NALF1: variants seen among roughly 807,000 people sequenced by gnomAD.
NALF1 encodes family with sequence similarity 155 member A.
Under a neutral mutation model 48.4 loss-of-function variants are expected in NALF1, and 3 were observed. That is an observed-to-expected ratio of 0.06 (90% confidence interval 0.03 to 0.16). NALF1 has a LOEUF of 0.16. NALF1 is among the 10% of genes least tolerant of loss of function. The pLI, the probability that NALF1 is intolerant of heterozygous loss-of-function variation, is 1.00. For synonymous variants in NALF1, 262 were observed against 245.7 expected (o/e 1.07, Z -0.62); for missense variants, 526 against 571.5 (o/e 0.92, Z 0.81).
intron 1 of NALF1, among the ~76,000 whole-genome samples, chr13:107,279,545 C>T (rs111875482): frequency 2.6e-5 from 4 of 152,126 alleles, no homozygotes; most frequent in African/African-American, 7.2e-5. Flanking sequence ...CCTGAGCCAC[C>T]GCACCCGGTG....
chr13:107,731,292 T>G (rs1405908338), intron 1 of NALF1, among the ~76,000 whole-genome samples: 2 of 152,116 alleles, frequency 1.3e-5, no homozygotes, highest in Non-Finnish European at 2.9e-5. Flanking sequence ...AAAAATATCA[T>G]TTTTTACTCC....
intron 1 of NALF1, among the ~76,000 whole-genome samples, chr13:107,660,475 AC>A (rs71204835): frequency 0.15 from 20,908 of 135,214 alleles, 1,888 homozygotes; most frequent in Middle Eastern, 0.32. Context: ...ACACACACAC[AC>A]ACACACACAA....
At chr13:107,367,252 T>TA (rs1032309915) in intron 1 of NALF1, among the ~76,000 whole-genome samples, 1 of 152,170 alleles carries the variant, frequency 6.6e-6, no homozygotes, top group African/African-American at 2.4e-5. Context: ...ATTATCATGA[T>TA]AAAAGACTGG....
rs56754008 is a variant in NALF1, at chr13:107,164,794, T to TAAAA, written c.*5699_*5702dup. ...CTAGCTTAAGGATGTGAGGTGTTGT[T>TAAAA]AAAAAAAAAATGTAATTAAGAGATA... On this transcript the variant is annotated 3_prime_UTR_variant, in exon 3 of 3. Transcript: ENST00000375915. 6.7e-6 allele frequency: 1 copy of TAAAA among 149,642 alleles called. No homozygotes were observed. Among genetic ancestry groups the TAAAA allele is most frequent in the South Asian group, 2.1e-4 (1 of 4,722 alleles). 9.3% of individuals were successfully genotyped at this position (149,642 alleles called of 1,614,324 possible). A position where few individuals can be genotyped will look rare whatever the true frequency, so the allele number is the denominator to read the frequency against.
intron 1 of NALF1, among the ~76,000 whole-genome samples, chr13:107,481,976 T>C (rs937169259): frequency 1.3e-5 from 2 of 152,158 alleles, no homozygotes; most frequent in African/African-American, 4.8e-5. Flanking sequence ...ATTATCTTAG[T>C]GTGATGGTTA....
intron 1 of NALF1, among the ~76,000 whole-genome samples, chr13:107,237,980 GTA>G (rs1880388791): frequency 6.6e-6 from 1 of 152,114 alleles, no homozygotes; most frequent in Non-Finnish European, 1.5e-5. Flanking sequence ...GAGTGTATGT[GTA>G]TACCTGTGTG....
intron 1 of NALF1, among the ~76,000 whole-genome samples, chr13:107,306,029 T>A (rs888561052): frequency 6.6e-6 from 1 of 152,178 alleles, no homozygotes; most frequent in Admixed American, 6.6e-5. Context: ...AAACTAAGAA[T>A]GGCAGAATGT....
At chr13:107,427,850 A>G (rs1884306291) in intron 1 of NALF1, among the ~76,000 whole-genome samples, 1 of 152,204 alleles carries the variant, frequency 6.6e-6, no homozygotes, top group African/African-American at 2.4e-5. Context: ...ACTATTGAGG[A>G]TAGAAAAAAA....
At chr13:107,489,630 T>C (rs577276339) in intron 1 of NALF1, among the ~76,000 whole-genome samples, 2 of 152,190 alleles carry the variant, frequency 1.3e-5, no homozygotes, top group South Asian at 4.1e-4. Flanking sequence ...TCCAGATGGA[T>C]TAAAGGCTTA....
intron 1 of NALF1, among the ~76,000 whole-genome samples, chr13:107,764,650 T>A (rs1470044274): frequency 6.6e-6 from 1 of 152,208 alleles, no homozygotes; most frequent in Non-Finnish European, 1.5e-5. Flanking sequence ...ATGACCATTC[T>A]GTGTTGTCAA....
chr13:107,673,947 C>T (rs1307377824), intron 1 of NALF1, among the ~76,000 whole-genome samples: 3 of 152,244 alleles, frequency 2.0e-5, no homozygotes, highest in East Asian at 1.9e-4. Context: ...GTTCTCCCCA[C>T]ACCAAGGGCC....
chr13:107,832,514 T>C (rs1482125037), intron 1 of NALF1, among the ~76,000 whole-genome samples: 3 of 152,114 alleles, frequency 2.0e-5, no homozygotes, highest in South Asian at 2.1e-4. Context: ...TCAAATCTAA[T>C]ATGTACAAAA....
In NALF1 at chr13:107,866,868, C is replaced by A; in HGVS notation, c.-272G>T. The A allele has an allele frequency of 2.0e-6, 1 of 503,084 alleles. No individual in the cohort carries two copies. The highest frequency in any genetic ancestry group is 3.5e-6 in the Non-Finnish European group (1 of 285,086). 31.2% of individuals were successfully genotyped at this position (503,084 alleles called of 1,614,324 possible). ...GACTTGCTTCCTAATCATCAGCCGA[C>A]CCCATCCTCTGTAGAGTGGGAAACA... On this transcript the variant is annotated 5_prime_UTR_variant, in exon 1 of 3. Transcript: ENST00000375915. This position sits in a 1 kb window ranked among gnomAD's most constrained non-coding sequence, Gnocchi z 4.4.
chr13:107,586,635 A>ATTTTCTTTTTTTTTTTTTTTTTTTTTT (rs1878464848), intron 1 of NALF1, among the ~76,000 whole-genome samples: 1 of 93,122 alleles, frequency 1.1e-5, no homozygotes, highest in Non-Finnish European at 2.0e-5. Flanking sequence ...CCCTATGGAG[A>ATTTTCTTTTTTTTTTTTTTTTTTTTTT]TTTTTTTTTT....
chr13:107,447,371 A>G (rs968929955), intron 1 of NALF1, among the ~76,000 whole-genome samples: 9 of 152,086 alleles, frequency 5.9e-5, no homozygotes, highest in African/African-American at 1.9e-4. Flanking sequence ...GTGTTGTTAC[A>G]TTCTTAATTC....
rs866999297 is a variant in NALF1 at position 107,362,807 on chromosome 13, C to T, written c.916-152052G>A. On this transcript the variant is annotated intron_variant, in intron 1 of 2. Coordinates refer to ENST00000375915, the MANE Select transcript of NALF1 (RefSeq NM_001080396.3). This position sits in a 1 kb window ranked among gnomAD's most constrained non-coding sequence, Gnocchi z 4.6. ...GTGAGCATGTACCTGTCTGAGTGGG[C>T]ACACATATGGAGCAACCAGGATGAA... 5.3e-5 allele frequency among the ~76,000 whole-genome samples: 8 copies of T among 152,108 alleles called. No homozygotes were observed. Among genetic ancestry groups the T allele is most frequent in the South Asian group, 4.1e-4 (2 of 4,822 alleles).
chr13:107,248,134 C>T (rs1757444907), intron 1 of NALF1, among the ~76,000 whole-genome samples: 2 of 151,504 alleles, frequency 1.3e-5, no homozygotes, highest in African/African-American at 2.4e-5. Flanking sequence ...GAGGGAGAAA[C>T]ATTATTTAGA....
At chr13:107,820,217 T>A (rs1245064246) in intron 1 of NALF1, among the ~76,000 whole-genome samples, 1 of 152,164 alleles carries the variant, frequency 6.6e-6, no homozygotes, top group African/African-American at 2.4e-5. Context: ...CTGCATAAGG[T>A]AAGAGATCAA....
chr13:107,456,210 C>A (rs1039845553), intron 1 of NALF1, among the ~76,000 whole-genome samples: 1 of 152,146 alleles, frequency 6.6e-6, no homozygotes, highest in African/African-American at 2.4e-5. Flanking sequence ...TTTCTCTCAC[C>A]TGACACTAGA....
Sources: allele counts gnomAD v4.1 joint callset (sites outside exome capture counted in the v4.1 genomes callset), GRCh38; gene constraint gnomAD v4.1.1; non-coding constraint Gnocchi (gnomAD v3.1); transcripts MANE v1.5; gene names NCBI Gene and HGNC (gene_info 2026-07-23, HGNC 2026-07-21).